CNBP: variants seen among roughly 807,000 people sequenced by gnomAD.
CNBP encodes cellular nucleic acid-binding protein.
CNBP carries 6 observed loss-of-function variants against 21.2 expected under a neutral mutation model. The ratio of observed to expected loss-of-function variants is 0.28; its 90% CI spans 0.16 to 0.56. The LOEUF (loss-of-function observed/expected upper bound fraction) is 0.56. CNBP is among the 20% of genes least tolerant of loss of function. The pLI is 0.93. For missense variants in CNBP, 112 were observed against 233.1 expected (o/e 0.48, Z 3.38); for synonymous variants, 61 against 74.9 (o/e 0.81, Z 0.96).
chr3:129,182,606 C>G (rs549320297), intron 1 of CNBP, among the ~76,000 whole-genome samples: 8 of 152,294 alleles, frequency 5.3e-5, no homozygotes, highest in African/African-American at 1.9e-4. Context: ...TTTCGTGTCT[C>G]GTTTGTAATT....
At chr3:129,175,574 C>A (rs1032925463) in intron 1 of CNBP, among the ~76,000 whole-genome samples, 1 of 151,762 alleles carries the variant, frequency 6.6e-6, no homozygotes, top group African/African-American at 2.4e-5. Flanking sequence ...GGACTACAGG[C>A]GTGCACCACC....
intron 1 of CNBP, among the ~76,000 whole-genome samples, chr3:129,178,997 G>A (rs1938108859): frequency 6.6e-6 from 1 of 152,114 alleles, no homozygotes; most frequent in South Asian, 2.1e-4. Context: ...AACTATGGGG[G>A]CCGGGTGTGC....
Position 129,171,865 on chromosome 3 carries a change from A to G in CNBP, c.-14-94T>C, listed in dbSNP as rs553558936. 7.7e-5 allele frequency: 103 copies of G among 1,331,486 alleles called. No individual in the cohort carries two copies. In the African/African-American group the frequency reaches 1.3e-3, roughly 17 times the overall value. 82.5% of individuals were successfully genotyped at this position (1,331,486 alleles called of 1,614,324 possible). ...GTATTTTTGGAAAATTATTCTGGGG[A>G]AAAAAGCTAGCTAATATATTGGTTA... On this transcript the variant is annotated intron_variant, in intron 1 of 4. Coordinates refer to ENST00000422453, the MANE Select transcript of CNBP (RefSeq NM_003418.5).
At chr3:129,181,366 A>G (rs1415430921) in intron 1 of CNBP, among the ~76,000 whole-genome samples, 2 of 151,176 alleles carry the variant, frequency 1.3e-5, no homozygotes, top group African/African-American at 4.9e-5. Context: ...AGTTTAAGAA[A>G]AACCTGGCCA....
intron 4 of CNBP, 39 bp downstream of exon 4, chr3:129,171,040 T>A (rs77012344): frequency 1.3e-6 from 2 of 1,570,974 alleles, no homozygotes; most frequent in South Asian, 2.3e-5. Flanking sequence ...GAAGAATCTC[T>A]GCAATGAGTT....
chr3:129,181,976 G>A (rs1211358606), intron 1 of CNBP, among the ~76,000 whole-genome samples: 1 of 152,020 alleles, frequency 6.6e-6, no homozygotes, highest in African/African-American at 2.4e-5. Flanking sequence ...CAGTTTACAG[G>A]TGTTTGATTA....
intron 1 of CNBP, among the ~76,000 whole-genome samples, chr3:129,183,466 G>A (rs1228960056): frequency 6.6e-6 from 1 of 152,258 alleles, no homozygotes; most frequent in Non-Finnish European, 1.5e-5. Flanking sequence ...TCGGCCCCAA[G>A]GGCGCACGGG....
chr3:129,178,584 C>T (rs770680850), intron 1 of CNBP, among the ~76,000 whole-genome samples: 1 of 152,118 alleles, frequency 6.6e-6, no homozygotes, highest in Non-Finnish European at 1.5e-5. Context: ...TGTATATATG[C>T]TTACTTTTCG....
In CNBP at chr3:129,170,331, G is replaced by A. The variant is rs986743882; in HGVS notation, c.*122C>T. 29 of 786,602 alleles carry A rather than the reference G, an allele frequency of 3.7e-5. No homozygotes were observed. Among genetic ancestry groups the A allele is most frequent in the Non-Finnish European group, 5.4e-5 (25 of 463,250 alleles). The allele number at this position is 786,602 out of a possible 1,614,324, so 48.7% of individuals were successfully genotyped here. The stretch of plus-strand genomic sequence containing the variant: ...TTCCACCCCTTTCCTCCTTTTACAC[G>A]GCAAGTAAAGCTCACTGGCCTGGGA... On this transcript the variant is annotated 3_prime_UTR_variant, in exon 5 of 5. Transcript: ENST00000422453.
At chr3:129,172,679 GACAGACAGACAGACAGACACACAC>G (rs1182096816) in intron 1 of CNBP, among the ~76,000 whole-genome samples, 2 of 99,058 alleles carry the variant, frequency 2.0e-5, no homozygotes, top group Admixed American at 1.1e-4. Flanking sequence ...CAGACAGACA[GACAGACAGACAGACAGACACACAC>G]ACACACACAC....
Position 129,168,923 on chromosome 3 carries a change from C to T in CNBP, c.*1530G>A, listed in dbSNP as rs547437972. On this transcript the variant is annotated 3_prime_UTR_variant, in exon 5 of 5. Transcript: ENST00000422453. ...CATCCTGGCTAACACCGTGAAACCC[C>T]GTCTTTACTAAAAATACAAAAAAAA... 7.2e-6 allele frequency among the ~76,000 whole-genome samples: 1 copy of T among 138,694 alleles called. No individual in the cohort carries two copies. The highest frequency in any genetic ancestry group is 7.9e-5 in the Admixed American group (1 of 12,684). The allele number at this position is 138,694 out of a possible 152,430, so 91.0% of individuals were successfully genotyped here. A position where few individuals can be genotyped will look rare whatever the true frequency, so the allele number is the denominator to read the frequency against.
rs1173619701 is a variant in CNBP, at chr3:129,170,278, T to C, written c.*175A>G. ...TACCAAACTAAACATAAACTTTTTTTGTAGTTAAATGCAGAAAGTCGGTTT... is the reference window on the plus strand; with the variant it reads ...TACCAAACTAAACATAAACTTTTTTCGTAGTTAAATGCAGAAAGTCGGTTT... On this transcript the variant is annotated 3_prime_UTR_variant, in exon 5 of 5. Coordinates refer to ENST00000422453, the MANE Select transcript of CNBP (RefSeq NM_003418.5). 3 of 610,204 alleles carry C rather than the reference T, an allele frequency of 4.9e-6. No homozygotes were observed. The highest frequency in any genetic ancestry group is 5.9e-6 in the Non-Finnish European group (2 of 340,664). 37.8% of individuals were successfully genotyped at this position (610,204 alleles called of 1,614,324 possible). A position where few individuals can be genotyped will look rare whatever the true frequency, so the allele number is the denominator to read the frequency against.
At chr3:129,178,909 C>A (rs1938100034) in intron 1 of CNBP, among the ~76,000 whole-genome samples, 1 of 151,184 alleles carries the variant, frequency 6.6e-6, no homozygotes, top group South Asian at 2.1e-4. Context: ...CGCCTGGCTA[C>A]TTTTTTTTTG....
At chr3:129,176,888 A>G (rs1937941840) in intron 1 of CNBP, among the ~76,000 whole-genome samples, 1 of 152,204 alleles carries the variant, frequency 6.6e-6, no homozygotes. Context: ...CCAATCTATA[A>G]TAAAGCAAAT....
At chr3:129,172,616 A>AGGCAGGCAGGCAGGCAGGCAGG (rs1560034664) in intron 1 of CNBP, among the ~76,000 whole-genome samples, 3 of 49,484 alleles carry the variant, frequency 6.1e-5, no homozygotes, top group African/African-American at 1.6e-4. Flanking sequence ...AGACAGGCAG[A>AGGCAGGCAGGCAGGCAGGCAGG]CAGGCAGCCA....
At chr3:129,177,350 C>CA (rs1359845591) in intron 1 of CNBP, among the ~76,000 whole-genome samples, 2 of 152,184 alleles carry the variant, frequency 1.3e-5, no homozygotes, top group Non-Finnish European at 2.9e-5. Context: ...GAACCATACT[C>CA]AACCTGGGTT....
chr3:129,179,679 G>C (rs1206331321), intron 1 of CNBP, among the ~76,000 whole-genome samples: 2 of 152,134 alleles, frequency 1.3e-5, no homozygotes, highest in African/African-American at 4.8e-5. Flanking sequence ...GGCCAACATA[G>C]TGACACCCCA....
chr3:129,168,743 C>T lies in CNBP; in HGVS notation c.*1710G>A, dbSNP rs1430142779. On this transcript the variant is annotated 3_prime_UTR_variant, in exon 5 of 5. Transcript: ENST00000422453. ...TTGGGGGGCGGGGCAGGTGGATCAC[C>T]TGAGGTCAGGAGTTGGAGACCAGCC... 6.6e-6 allele frequency among the ~76,000 whole-genome samples: 1 copy of T among 151,854 alleles called. No homozygotes were observed. Among genetic ancestry groups the T allele is most frequent in the Non-Finnish European group, 1.5e-5 (1 of 67,966 alleles).
At chr3:129,182,331 C>T (rs1388147009) in intron 1 of CNBP, among the ~76,000 whole-genome samples, 1 of 152,092 alleles carries the variant, frequency 6.6e-6, no homozygotes, top group Non-Finnish European at 1.5e-5. Flanking sequence ...TCACCTGAGT[C>T]CTTCTGAATA....
Sources: gnomAD v4.1 joint callset for allele counts (sites outside exome capture counted in the v4.1 genomes callset) on GRCh38, gnomAD v4.1.1 for gene constraint, MANE v1.5 for transcripts, NCBI Gene and HGNC (gene_info 2026-07-23, HGNC 2026-07-21) for gene names.